PDGFRL: variants seen among roughly 807,000 people sequenced by gnomAD.
PDGFRL encodes platelet derived growth factor receptor like, also known as platelet-derived growth factor receptor-like protein.
In PDGFRL, 46 loss-of-function variants were observed where a neutral mutation model predicts 37.2. That is an observed-to-expected ratio of 1.24 (90% CI 0.98 to 1.58). PDGFRL has a LOEUF of 1.58. Ranked by LOEUF, PDGFRL falls within the 40% of genes most tolerant of loss-of-function variation. The pLI is 0.00. For synonymous variants in PDGFRL, 251 were observed against 184.3 expected, an observed-to-expected ratio of 1.36 and a Z score of -2.93; for missense variants, 692 against 467.6, an observed-to-expected ratio of 1.48 and a Z score of -4.43.
intron 2 of PDGFRL, among the ~76,000 whole-genome samples, chr8:17,593,410 G>A (rs1174639534): frequency 6.8e-6 from 1 of 147,334 alleles, no homozygotes; most frequent in Non-Finnish European, 1.5e-5. Flanking sequence ...TGGGCAACAT[G>A]ATGAAACCAT....
chr8:17,580,386 C>G (rs1803681608), intron 1 of PDGFRL, among the ~76,000 whole-genome samples: 1 of 152,036 alleles, frequency 6.6e-6, no homozygotes, highest in African/African-American at 2.4e-5. Context: ...TTCTAAAGTT[C>G]CTTATTGTTT....
intron 2 of PDGFRL, among the ~76,000 whole-genome samples, chr8:17,620,778 C>T (rs1460797308): frequency 1.3e-5 from 2 of 152,120 alleles, no homozygotes; most frequent in African/African-American, 4.8e-5. Context: ...AATAATCCAT[C>T]ATGTTGCTCA....
At chr8:17,628,243 C>T (rs71526141) in intron 3 of PDGFRL, among the ~76,000 whole-genome samples, 3 of 151,976 alleles carry the variant, frequency 2.0e-5, no homozygotes, top group Non-Finnish European at 2.9e-5. Context: ...ATCTGCCCGC[C>T]TCAGCCTCCC....
intron 2 of PDGFRL, among the ~76,000 whole-genome samples, chr8:17,592,915 T>TACACACAC (rs1563508720): frequency 4.4e-3 from 14 of 3,182 alleles, no homozygotes; most frequent in South Asian, 0.025. Context: ...CCCACATACA[T>TACACACAC]GCACACACAC....
chr8:17,614,808 C>G (rs141671255), intron 2 of PDGFRL, among the ~76,000 whole-genome samples: 21 of 152,222 alleles, frequency 1.4e-4, no homozygotes, highest in African/African-American at 5.1e-4. Flanking sequence ...ACAGAGCGTT[C>G]AAAGCAGAAA....
intron 2 of PDGFRL, among the ~76,000 whole-genome samples, chr8:17,595,520 C>T (rs867861893): frequency 7.2e-5 from 11 of 152,194 alleles, no homozygotes; most frequent in African/African-American, 2.4e-4. Flanking sequence ...TCTCAGCCTC[C>T]TGAGAACTCT....
intron 3 of PDGFRL, among the ~76,000 whole-genome samples, chr8:17,623,908 G>A (rs1804683920): frequency 6.6e-6 from 1 of 150,504 alleles, no homozygotes; most frequent in Non-Finnish European, 1.5e-5. Flanking sequence ...TTGAGTTTTG[G>A]AGGCGGAACC....
At position 17,597,178 on chromosome 8, in the gene PDGFRL, A is replaced by T. The variant is rs1804072019; in HGVS notation, c.353+7413A>T. 4.6e-5 allele frequency among the ~76,000 whole-genome samples: 7 copies of T among 152,088 alleles called. No homozygotes were observed. In the South Asian group the frequency reaches 1.5e-3, roughly 32 times the overall value. Reference sequence around the variant, plus strand: ...TGATACTACAGGTATCTGCCGCCACACCTGGCTAATTTTTGTATTTTAAGT... The same window carrying T: ...TGATACTACAGGTATCTGCCGCCACTCCTGGCTAATTTTTGTATTTTAAGT... On this transcript the variant is annotated intron_variant, in intron 2 of 5. Coordinates refer to ENST00000251630, the MANE Select transcript of PDGFRL (RefSeq NM_001372073.1).
intron 1 of PDGFRL, among the ~76,000 whole-genome samples, chr8:17,583,035 G>C (rs1803741253): frequency 6.6e-6 from 1 of 152,170 alleles, no homozygotes; most frequent in Non-Finnish European, 1.5e-5. Flanking sequence ...GCAGAACAGA[G>C]AGGTTGCTCC....
intron 2 of PDGFRL, among the ~76,000 whole-genome samples, chr8:17,592,071 C>T (rs921700579): frequency 2.6e-5 from 4 of 152,134 alleles, no homozygotes; most frequent in Admixed American, 2.6e-4. Context: ...GAAGACTGGG[C>T]GGCATCCATG....
At chr8:17,596,460 TTTAAA>T (rs796711604) in intron 2 of PDGFRL, 83 of 445,606 alleles carry the variant, frequency 1.9e-4, no homozygotes, top group African/African-American at 1.6e-3. Flanking sequence ...ATTGATATAA[TTTAAA>T]TTATTCTGAA....
chr8:17,643,135 TTTAAG>T (rs200986660), exon 6 of PDGFRL: 4,786 of 229,390 alleles, frequency 0.021, 77 homozygotes, highest in Non-Finnish European at 0.028. Flanking sequence ...ATAAGTGTTT[TTTAAG>T]TTAAGTTGAC....
At chr8:17,634,283 C>G (rs1268755896) in intron 5 of PDGFRL, 70 bp downstream of exon 5, 1 of 1,273,626 alleles carries the variant, frequency 7.9e-7, no homozygotes. Context: ...TTTTAATTCA[C>G]AGCTTCGTCC....
intron 5 of PDGFRL, among the ~76,000 whole-genome samples, chr8:17,638,396 G>A (rs1293459029): frequency 6.6e-6 from 1 of 151,898 alleles, no homozygotes; most frequent in Non-Finnish European, 1.5e-5. Flanking sequence ...ATTCCACCGT[G>A]GTCTGAGAGA....
At chr8:17,597,924 C>A (rs758913165) in intron 2 of PDGFRL, among the ~76,000 whole-genome samples, 1 of 152,066 alleles carries the variant, frequency 6.6e-6, no homozygotes, top group Admixed American at 6.6e-5. Flanking sequence ...TTATGTAGAT[C>A]TCCTTATGAT....
At chr8:17,596,878 C>T (rs548743629) in intron 2 of PDGFRL, among the ~76,000 whole-genome samples, 3 of 152,352 alleles carry the variant, frequency 2.0e-5, no homozygotes, top group African/African-American at 7.2e-5. Context: ...TGACATCGTT[C>T]CCAGAACGTG....
chr8:17,639,377 G>A (rs1805045587), intron 5 of PDGFRL, among the ~76,000 whole-genome samples: 2 of 152,022 alleles, frequency 1.3e-5, no homozygotes, highest in Non-Finnish European at 2.9e-5. Flanking sequence ...GGTCCTATGA[G>A]ATTTATGCTT....
chr8:17,626,662 G>A (rs1374809331), intron 3 of PDGFRL, among the ~76,000 whole-genome samples: 1 of 152,140 alleles, frequency 6.6e-6, no homozygotes. Context: ...TAGCTCTGAA[G>A]ATTTCTCTTT....
intron 2 of PDGFRL, among the ~76,000 whole-genome samples, chr8:17,611,638 C>T (rs7816611): frequency 0.022 from 3,400 of 152,174 alleles, 130 homozygotes; most frequent in African/African-American, 0.077. Context: ...CTAAAGACAC[C>T]GGGTTACTCA....
Sources: allele counts gnomAD v4.1 joint callset (sites outside exome capture counted in the v4.1 genomes callset), GRCh38; gene constraint gnomAD v4.1.1; transcripts MANE v1.5; gene names NCBI Gene and HGNC (gene_info 2026-07-23, HGNC 2026-07-21).